The following HS6ST3 variants were observed in gnomAD, a reference collection of about 807,000 sequenced individuals.
HS6ST3 encodes the protein heparan-sulfate 6-O-sulfotransferase 3.
In HS6ST3, 12 loss-of-function variants were observed where a neutral mutation model predicts 36.7. That is an observed-to-expected ratio of 0.33 (90% CI 0.21 to 0.53). The LOEUF is 0.53. Ranked by LOEUF, HS6ST3 falls within the 20% of genes least tolerant of loss-of-function variation. HS6ST3 has a pLI of 0.95. For missense variants in HS6ST3, 584 were observed against 640.9 expected, an observed-to-expected ratio of 0.91 and a Z score of 0.96; for synonymous variants, 240 against 257.5, an observed-to-expected ratio of 0.93 and a Z score of 0.65.
chr13:96,120,347 A>G (rs1461510679), intron 1 of HS6ST3, among the ~76,000 whole-genome samples: 3 of 152,224 alleles, frequency 2.0e-5, no homozygotes, highest in Non-Finnish European at 4.4e-5. Flanking sequence ...CTAGGACACT[A>G]ATAAAGGGAC....
chr13:96,812,835 T>C (rs1369151551), intron 1 of HS6ST3, among the ~76,000 whole-genome samples: 1 of 152,116 alleles, frequency 6.6e-6, no homozygotes, highest in Non-Finnish European at 1.5e-5. Context: ...CTTTGGTAAC[T>C]GGGAACATAT....
chr13:96,365,014 GTTTTA>G (rs1404800930), intron 1 of HS6ST3, among the ~76,000 whole-genome samples: 8 of 152,134 alleles, frequency 5.3e-5, no homozygotes, highest in African/African-American at 1.9e-4. Context: ...GTGTCTATTT[GTTTTA>G]TTTTAAGTAC....
intron 1 of HS6ST3, among the ~76,000 whole-genome samples, chr13:96,442,072 A>C (rs1392366862): frequency 6.6e-6 from 1 of 151,896 alleles, no homozygotes; most frequent in South Asian, 2.1e-4. Context: ...CCCAGGCTGA[A>C]GTGCAGTGAA....
intron 1 of HS6ST3, among the ~76,000 whole-genome samples, chr13:96,293,996 A>T (rs1025622187): frequency 6.6e-6 from 1 of 152,254 alleles, no homozygotes; most frequent in Admixed American, 6.6e-5. Flanking sequence ...CTATAGATCC[A>T]TTGTGGCTTA....
intron 1 of HS6ST3, among the ~76,000 whole-genome samples, chr13:96,761,935 A>G (rs968951665): frequency 1.2e-4 from 19 of 152,182 alleles, no homozygotes; most frequent in Admixed American, 7.9e-4. Flanking sequence ...TTTAAAAAAT[A>G]AGAATTGTTT....
Position 96,834,288 on chromosome 13 carries a change from C to T in HS6ST3, c.*1090C>T, listed in dbSNP as rs1005692667. 3.3e-5 allele frequency: 5 copies of T among 152,108 alleles called. No homozygotes were observed. Among genetic ancestry groups the T allele is most frequent in the Non-Finnish European group, 1.5e-5 (1 of 68,014 alleles). The allele number at this position is 152,108 out of a possible 1,614,324, so 9.4% of individuals were successfully genotyped here. On this transcript the variant is annotated 3_prime_UTR_variant, in exon 2 of 2. Transcript: ENST00000376705. The stretch of plus-strand genomic sequence containing the variant: ...AAATGAATAAAAACTCGGAATTAGG[C>T]CAGGAGACATGGAATACCATTCATG...
rs1235476030 is a variant in HS6ST3, at chr13:96,835,421, A to G, written c.*2223A>G. ...TGTTGCTTGTTATTTGGTAGAGATT[A>G]GGCTCACAAAATATTTCTCCATTTC... On this transcript the variant is annotated 3_prime_UTR_variant, in exon 2 of 2. Coordinates refer to ENST00000376705, the MANE Select transcript of HS6ST3 (RefSeq NM_153456.4). 1 of 152,224 alleles carries G rather than the reference A, an allele frequency of 6.6e-6. No homozygotes were observed. The highest frequency in any genetic ancestry group is 1.5e-5 in the Non-Finnish European group (1 of 68,058). 9.4% of individuals were successfully genotyped at this position (152,224 alleles called of 1,614,324 possible).
intron 1 of HS6ST3, among the ~76,000 whole-genome samples, chr13:96,476,940 G>A (rs1375687537): frequency 6.6e-6 from 1 of 152,110 alleles, no homozygotes; most frequent in Admixed American, 6.5e-5. Flanking sequence ...ATTGTAAGGA[G>A]GAATTTCCTG....
intron 1 of HS6ST3, among the ~76,000 whole-genome samples, chr13:96,561,617 A>AAAC (rs1309135041): frequency 6.6e-6 from 1 of 152,166 alleles, no homozygotes; most frequent in Admixed American, 6.5e-5. Context: ...GGATGGGAAA[A>AAAC]AACACTGAGA....
intron 1 of HS6ST3, among the ~76,000 whole-genome samples, chr13:96,246,886 A>G (rs1334359588): frequency 1.3e-5 from 2 of 152,156 alleles, no homozygotes; most frequent in Non-Finnish European, 2.9e-5. Context: ...ATAAGTTTTC[A>G]GTGGGACTAT....
intron 1 of HS6ST3, among the ~76,000 whole-genome samples, chr13:96,305,911 A>G (rs2054910314): frequency 1.5e-5 from 2 of 134,918 alleles, no homozygotes; most frequent in East Asian, 4.3e-4. Context: ...TATGTACCAG[A>G]TTTCCTTTCT....
intron 1 of HS6ST3, among the ~76,000 whole-genome samples, chr13:96,492,024 T>G (rs2055948537): frequency 1.3e-5 from 2 of 152,202 alleles, no homozygotes; most frequent in African/African-American, 4.8e-5. Flanking sequence ...CCTTAATGAC[T>G]ATCCTTCTCA....
chr13:96,591,832 C>G (rs2056383470), intron 1 of HS6ST3, among the ~76,000 whole-genome samples: 1 of 151,854 alleles, frequency 6.6e-6, no homozygotes, highest in Non-Finnish European at 1.5e-5. Flanking sequence ...AGCTATGGGT[C>G]TGTCATGTAA....
chr13:96,140,610 G>A (rs1350785192), intron 1 of HS6ST3, among the ~76,000 whole-genome samples: 1 of 152,106 alleles, frequency 6.6e-6, no homozygotes, highest in East Asian at 1.9e-4. Context: ...TGCAGATATG[G>A]TTTCCTGCTA....
At chr13:96,658,999 G>T (rs1310441941) in intron 1 of HS6ST3, among the ~76,000 whole-genome samples, 3 of 152,172 alleles carry the variant, frequency 2.0e-5, no homozygotes, top group Non-Finnish European at 4.4e-5. Flanking sequence ...GAACCTCTGT[G>T]CCTAGCCTGT....
chr13:96,497,578 G>T (rs1350009026), intron 1 of HS6ST3, among the ~76,000 whole-genome samples: 5 of 152,066 alleles, frequency 3.3e-5, no homozygotes, highest in Non-Finnish European at 7.4e-5. Flanking sequence ...CAGCCCCTTT[G>T]CTCAGACATC....
At chr13:96,238,312 C>A (rs543634448) in intron 1 of HS6ST3, among the ~76,000 whole-genome samples, 2 of 152,280 alleles carry the variant, frequency 1.3e-5, no homozygotes, top group South Asian at 4.1e-4. Flanking sequence ...CCACATCATC[C>A]CTTACTTGAA....
At position 96,682,864 on chromosome 13, in the gene HS6ST3, C is replaced by T. The variant is rs552366308; in HGVS notation, c.708-149626C>T. On this transcript the variant is annotated intron_variant, in intron 1 of 1. Transcript: ENST00000376705. ...AGAATAGCATCTTATTAGTGTCACC[C>T]GAAAAAGAAAATCGTTGACACATTT... 6.6e-5 allele frequency among the ~76,000 whole-genome samples: 10 copies of T among 152,056 alleles called. No individual in the cohort carries two copies. The South Asian group carries it at 1.0e-3, about 16-fold the overall frequency.
intron 1 of HS6ST3, among the ~76,000 whole-genome samples, chr13:96,365,551 A>G (rs1267858544): frequency 6.6e-6 from 1 of 152,098 alleles, no homozygotes; most frequent in Non-Finnish European, 1.5e-5. Context: ...AATAATAAGG[A>G]GTTTAAAATC....
Sources: gnomAD v4.1 joint callset for allele counts (sites outside exome capture counted in the v4.1 genomes callset) on GRCh38, gnomAD v4.1.1 for gene constraint, MANE v1.5 for transcripts, NCBI Gene and HGNC (gene_info 2026-07-23, HGNC 2026-07-21) for gene names.